Variants in FREM2 observed in about 807,000 individuals in gnomAD.
FREM2 encodes the protein FRAS1 related extracellular matrix 2, also known as FRAS1-related extracellular matrix protein 2.
A neutral mutation model predicts 219.9 loss-of-function variants in FREM2; 119 were observed. That is an observed-to-expected ratio of 0.54 (90% CI 0.47 to 0.63). The LOEUF (loss-of-function observed/expected upper bound fraction) is 0.63, where lower values mean the gene tolerates loss of function less well. Among genes scored for constraint, FREM2 ranks in the 30% least tolerant of loss-of-function variants. The pLI, the probability that FREM2 is intolerant of heterozygous loss-of-function variation, is 0.00. For missense variants in FREM2, 4,030 were observed against 3,993.6 expected, an observed-to-expected ratio of 1.01 and a Z score of -0.25; for synonymous variants, 1,562 against 1,522.8, an observed-to-expected ratio of 1.03 and a Z score of -0.60.
Position 38,687,089 on chromosome 13 carries a change from A to G in FREM2, c.-256A>G, listed in dbSNP as rs1317702293. 5.1e-6 allele frequency: 3 copies of G among 582,994 alleles called. No homozygotes were observed. The highest frequency in any genetic ancestry group is 9.2e-6 in the Non-Finnish European group (3 of 327,848). 36.1% of individuals were successfully genotyped at this position (582,994 alleles called of 1,614,324 possible). ...GGACCTGGAAAGTAGAAGTGGAGGG[A>G]TTCAATTCTCCGCGCGATTGAGGCG... On this transcript the variant is annotated 5_prime_UTR_variant, in exon 1 of 24. Coordinates refer to ENST00000280481, the MANE Select transcript of FREM2 (RefSeq NM_207361.6).
At chr13:38,770,066 T>C (rs1873598471) in intron 4 of FREM2, among the ~76,000 whole-genome samples, 1 of 147,998 alleles carries the variant, frequency 6.8e-6, no homozygotes, top group South Asian at 2.1e-4. Flanking sequence ...TTAATAGATT[T>C]TATGTATATA....
chr13:38,770,377 A>G (rs1053475567), intron 4 of FREM2, among the ~76,000 whole-genome samples: 1 of 151,772 alleles, frequency 6.6e-6, no homozygotes, highest in Non-Finnish European at 1.5e-5. Context: ...ATACTTTTCC[A>G]AGTAAATGAA....
At chr13:38,795,414 T>C (rs1276380628) in intron 6 of FREM2, among the ~76,000 whole-genome samples, 2 of 151,518 alleles carry the variant, frequency 1.3e-5, no homozygotes, top group African/African-American at 4.9e-5. Flanking sequence ...TGACTAAAGA[T>C]AAATGAATCC....
At position 38,687,486 on chromosome 13, in the gene FREM2, C is replaced by A; in HGVS notation, c.142C>A (p.Pro48Thr). Residue 48 changes from proline (P) to threonine (T), a missense_variant, in exon 1 of 24, where the codon CCC becomes ACC. Coordinates refer to ENST00000280481, the MANE Select transcript of FREM2 (RefSeq NM_207361.6). The part of the protein sequence containing the change: ...LSLVSRVPAQ[P>T]AAFGRALLSP... The stretch of plus-strand genomic sequence containing the variant: ...ACTGGTAAGCCGCGTCCCGGCACAG[C>A]CCGCTGCCTTCGGCAGGGCGTTGCT... 1 of 1,592,722 alleles carries A rather than the reference C, an allele frequency of 6.3e-7. No homozygotes were observed. Among genetic ancestry groups the A allele is most frequent in the Non-Finnish European group, 8.5e-7 (1 of 1,170,388 alleles).
intron 2 of FREM2, among the ~76,000 whole-genome samples, chr13:38,712,656 A>T (rs1446996348): frequency 0.014 from 2,038 of 144,358 alleles, 42 homozygotes; most frequent in African/African-American, 0.044. Context: ...TCTCTCACAC[A>T]CACACACACA....
intron 5 of FREM2, among the ~76,000 whole-genome samples, chr13:38,784,138 G>C (rs1282782436): frequency 3.3e-5 from 5 of 152,180 alleles, no homozygotes; most frequent in East Asian, 3.9e-4. Flanking sequence ...TGGACTCCGG[G>C]GTCCAGACCA....
At position 38,688,194 on chromosome 13, in the gene FREM2, G is replaced by A. The variant is rs770004356; in HGVS notation, c.850G>A (p.Val284Met). The A allele has an allele frequency of 3.1e-6, 5 of 1,613,230 alleles. No homozygotes were observed. The part of the protein sequence containing the change: ...SPNRDWIPMV[V>M]ELRSRGAPVG... Reference sequence around the variant, plus strand: ...AAACAGGGACTGGATACCCATGGTGGTGGAGCTGCGTTCACGAGGGGCTCC... The same window carrying A: ...AAACAGGGACTGGATACCCATGGTGATGGAGCTGCGTTCACGAGGGGCTCC... Residue 284 changes from valine (V) to methionine (M), a missense_variant, in exon 1 of 24, where the codon GTG becomes ATG. By Grantham distance (21) the Val-to-Met change is conservative. Around this residue, in one of 2 missense-constraint regions of FREM2, gnomAD observed 3,102 missense variants for 2,950.7 expected, o/e 1.05. Transcript: ENST00000280481.
chr13:38,747,735 A>G (rs1035960787), intron 2 of FREM2, among the ~76,000 whole-genome samples: 7 of 152,130 alleles, frequency 4.6e-5, no homozygotes, highest in African/African-American at 1.7e-4. Flanking sequence ...TGTTGTATTT[A>G]TTGATATTCT....
At chr13:38,786,888 C>T (rs186820412) in intron 6 of FREM2, among the ~76,000 whole-genome samples, 14 of 152,238 alleles carry the variant, frequency 9.2e-5, no homozygotes, top group Non-Finnish European at 1.8e-4. Flanking sequence ...CTTGAACTTA[C>T]GAAGCTAGTA....
At chr13:38,857,723 AG>A in intron 12 of FREM2, 151 bp from the exon 13 acceptor site, 1 of 686,580 alleles carries the variant, frequency 1.5e-6, no homozygotes. Context: ...CAGGCCACTT[AG>A]GGCCTGTTGC....
intron 4 of FREM2, among the ~76,000 whole-genome samples, chr13:38,778,224 A>T (rs1873956332): frequency 6.6e-6 from 1 of 152,220 alleles, no homozygotes; most frequent in Non-Finnish European, 1.5e-5. Flanking sequence ...GCTATAACAA[A>T]ATGCCACAGA....
intron 2 of FREM2, among the ~76,000 whole-genome samples, chr13:38,743,191 A>C (rs554309932): frequency 1.3e-5 from 2 of 152,248 alleles, no homozygotes; most frequent in East Asian, 3.9e-4. Flanking sequence ...AGGGATGCTC[A>C]AGTCAACTTT....
At chr13:38,774,758 TG>T (rs1337795100) in intron 4 of FREM2, among the ~76,000 whole-genome samples, 1 of 152,186 alleles carries the variant, frequency 6.6e-6, no homozygotes, top group Non-Finnish European at 1.5e-5. Flanking sequence ...CCAGAGTAAA[TG>T]GAGTTCTATA....
chr13:38,864,325 C>G lies in FREM2; in HGVS notation c.7702C>G (p.Leu2568Val). 6.2e-7 allele frequency: 1 copy of G among 1,614,212 alleles called. No individual in the cohort carries two copies. Among genetic ancestry groups the G allele is most frequent in the South Asian group, 1.1e-5 (1 of 91,088 alleles). Residue 2568 changes from leucine to valine, a missense_variant, in exon 16 of 24, where the codon CTC (leucine) becomes GTC (valine). By Grantham distance (32) the Leu-to-Val change is conservative (BLOSUM62 1). Around this residue, in one of 2 missense-constraint regions of FREM2, gnomAD observed 928 missense variants for 1,042.9 expected, o/e 0.89. Transcript: ENST00000280481. ...TRELSNFELT[L>V]SPDGTRVGNH... The stretch of plus-strand genomic sequence containing the variant: ...AGAGCTTTCCAACTTTGAGCTCACC[C>G]TCAGCCCTGATGGCACAAGAGTTGG...
chr13:38,789,444 CCTCT>C (rs760233464), intron 6 of FREM2, among the ~76,000 whole-genome samples: 3 of 149,928 alleles, frequency 2.0e-5, no homozygotes, highest in Non-Finnish European at 3.0e-5. Context: ...GTTCTTCTAT[CCTCT>C]CTCTCTCTGT....
In FREM2 at chr13:38,882,186, C is replaced by T. The variant is rs41306021; in HGVS notation, c.*1399C>T. ...GTTTGTTACCAAATAGCAGAAATTT[C>T]GCTTAGAAGGGGAAAACTTCAGCTT... On this transcript the variant is annotated 3_prime_UTR_variant, in exon 24 of 24. Coordinates refer to ENST00000280481, the MANE Select transcript of FREM2 (RefSeq NM_207361.6). 9 of 152,238 alleles carry T rather than the reference C, an allele frequency of 5.9e-5. No homozygotes were observed. The highest frequency in any genetic ancestry group is 2.1e-4 in the South Asian group (1 of 4,830). The allele number at this position is 152,238 out of a possible 1,614,324, so 9.4% of individuals were successfully genotyped here.
At chr13:38,850,895 A>C in intron 9 of FREM2, 49 bp from the exon 10 acceptor site, 1 of 1,598,310 alleles carries the variant, frequency 6.3e-7, no homozygotes, top group Non-Finnish European at 8.5e-7. Context: ...TTCTAGTTGT[A>C]GATATATTCC....
intron 4 of FREM2, among the ~76,000 whole-genome samples, chr13:38,779,039 C>T (rs1249810881): frequency 6.6e-6 from 1 of 152,040 alleles, no homozygotes; most frequent in Admixed American, 6.6e-5. Flanking sequence ...TTGGTGAAAA[C>T]CTTACTTCAT....
intron 6 of FREM2, among the ~76,000 whole-genome samples, chr13:38,836,626 GT>G (rs1415869758): frequency 6.6e-6 from 1 of 152,176 alleles, no homozygotes; most frequent in Non-Finnish European, 1.5e-5. Flanking sequence ...TTCAGAACTT[GT>G]TATTGGTCTG....
Sources: gnomAD v4.1 joint callset for allele counts (sites outside exome capture counted in the v4.1 genomes callset) on GRCh38, gnomAD v4.1.1 for gene constraint, gnomAD v4.1.1 regional missense constraint, MANE v1.5 for transcripts, NCBI Gene and HGNC (gene_info 2026-07-23, HGNC 2026-07-21) for gene names.